Variants in ZNF704 observed in about 807,000 individuals in gnomAD.
ZNF704 encodes glucocorticoid induced gene 1.
In ZNF704, 10 loss-of-function variants were observed where a neutral mutation model predicts 44.7. The ratio of observed to expected loss-of-function variants is 0.22; its 90% CI spans 0.14 to 0.38. The LOEUF (loss-of-function observed/expected upper bound fraction) is 0.38. ZNF704 is among the 10% of genes least tolerant of loss of function. The pLI is 1.00. For missense variants in ZNF704, 390 were observed against 545.5 expected (o/e 0.71, Z 2.84); for synonymous variants, 211 against 207.6 (o/e 1.02, Z -0.14).
chr8:80,840,896 C>A (rs1296512448), intron 1 of ZNF704, among the ~76,000 whole-genome samples: 1 of 152,214 alleles, frequency 6.6e-6, no homozygotes, highest in African/African-American at 2.4e-5. Flanking sequence ...AGTAGCTGTA[C>A]CATTCCCAAT....
chr8:80,877,679 T>C (rs1809375281), upstream of ZNF704, among the ~76,000 whole-genome samples: 1 of 152,184 alleles, frequency 6.6e-6, no homozygotes, highest in Non-Finnish European at 1.5e-5. Flanking sequence ...ATCTAAAACA[T>C]TTCATCGTTC....
intron 2 of ZNF704, among the ~76,000 whole-genome samples, chr8:80,747,463 T>C (rs1806866762): frequency 1.3e-5 from 2 of 152,302 alleles, no homozygotes; most frequent in South Asian, 4.1e-4. Flanking sequence ...CACAAACCTC[T>C]GAAAAATGGA....
intron 2 of ZNF704, among the ~76,000 whole-genome samples, chr8:80,728,699 T>C (rs1434996010): frequency 6.6e-6 from 1 of 152,170 alleles, no homozygotes; most frequent in Non-Finnish European, 1.5e-5. Flanking sequence ...CCAGGTCTGT[T>C]TATTTCTGAA....
chr8:80,792,388 C>G lies in ZNF704; in HGVS notation c.221+28986G>C, dbSNP rs112944229. Reference sequence around the variant, plus strand: ...GAAATATGTAAGAATATACACAAGGCTTGGCTACAGGATGGTTAATGTGGG... The same window carrying G: ...GAAATATGTAAGAATATACACAAGGGTTGGCTACAGGATGGTTAATGTGGG... On this transcript the variant is annotated intron_variant, in intron 2 of 8. Transcript: ENST00000327835. 2.2e-3 allele frequency among the ~76,000 whole-genome samples: 336 copies of G among 152,254 alleles called. 1 individual carries two copies. Among genetic ancestry groups the G allele is most frequent in the African/African-American group, 7.0e-3 (289 of 41,556 alleles).
At chr8:80,861,133 C>T (rs1809054662) in intron 1 of ZNF704, among the ~76,000 whole-genome samples, 1 of 152,186 alleles carries the variant, frequency 6.6e-6, no homozygotes, top group Admixed American at 6.5e-5. Context: ...CTGTTCACTG[C>T]TAGAAACCAA....
chr8:80,753,047 T>C (rs1430048433), intron 2 of ZNF704, among the ~76,000 whole-genome samples: 1 of 152,244 alleles, frequency 6.6e-6, no homozygotes, highest in Non-Finnish European at 1.5e-5. Flanking sequence ...GATGTTTTTT[T>C]ATACCTTTTA....
rs1287981352 is a variant in ZNF704 at position 80,750,217 on chromosome 8, CTTGTGT to C, written c.222-57116_222-57111del. Among the ~76,000 whole-genome samples, 7 of 152,046 alleles carry C rather than the reference CTTGTGT, an allele frequency of 4.6e-5. No individual in the cohort carries two copies. In the South Asian group the frequency reaches 1.0e-3, roughly 23 times the overall value. On this transcript the variant is annotated intron_variant, in intron 2 of 8. Transcript: ENST00000327835. ...TGGCACCACAGGCAATGACTGCCAA[CTTGTGT>C]GCAATTGGGGGCCAGCTATGATTTC...
intron 2 of ZNF704, among the ~76,000 whole-genome samples, chr8:80,817,759 A>T (rs1455470730): frequency 6.6e-6 from 1 of 152,196 alleles, no homozygotes; most frequent in Non-Finnish European, 1.5e-5. Context: ...ATCTTGAAAA[A>T]GATATCAATA....
In ZNF704 at chr8:80,636,118, G is replaced by A. The variant is rs1406875944; in HGVS notation, c.*5248C>T. ...TAGAGTACTGACGCTTATTACCAAA[G>A]TGTCATGTCTCTTAGAACTGTAGAA... On this transcript the variant is annotated 3_prime_UTR_variant, in exon 9 of 9. Transcript: ENST00000327835. 6.6e-6 allele frequency: 1 copy of A among 152,144 alleles called. No homozygotes were observed. Among genetic ancestry groups the A allele is most frequent in the African/African-American group, 2.4e-5 (1 of 41,444 alleles). 9.4% of individuals were successfully genotyped at this position (152,144 alleles called of 1,614,324 possible).
chr8:80,821,138 A>G (rs962605771), intron 2 of ZNF704, among the ~76,000 whole-genome samples: 2 of 152,220 alleles, frequency 1.3e-5, no homozygotes, highest in Admixed American at 6.5e-5. Context: ...ATTTATTAAA[A>G]TTGAATAAAA....
intron 2 of ZNF704, among the ~76,000 whole-genome samples, chr8:80,778,833 T>A (rs1807461753): frequency 6.6e-6 from 1 of 151,968 alleles, no homozygotes; most frequent in South Asian, 2.1e-4. Context: ...AAGAAGGGAA[T>A]GACAGACACT....
At chr8:80,822,380 CT>C (rs1353947192) in intron 1 of ZNF704, among the ~76,000 whole-genome samples, 1 of 151,274 alleles carries the variant, frequency 6.6e-6, no homozygotes, top group African/African-American at 2.4e-5. Flanking sequence ...TGAACTCATC[CT>C]TTTTTATGGC....
intron 2 of ZNF704, among the ~76,000 whole-genome samples, chr8:80,697,207 T>C (rs73273004): frequency 0.16 from 24,901 of 152,058 alleles, 4,041 homozygotes; most frequent in African/African-American, 0.42. Flanking sequence ...TGAGCCAGAC[T>C]ATGGGGGTGT....
intron 1 of ZNF704, among the ~76,000 whole-genome samples, chr8:80,864,746 G>C (rs1465078413): frequency 6.6e-6 from 1 of 152,112 alleles, no homozygotes; most frequent in Non-Finnish European, 1.5e-5. Flanking sequence ...CAGGAGGGTG[G>C]GAAGGGCAAA....
chr8:80,819,257 C>T (rs115174439), intron 2 of ZNF704, among the ~76,000 whole-genome samples: 1,597 of 152,190 alleles, frequency 0.01, 30 homozygotes, highest in African/African-American at 0.036. Flanking sequence ...CTTTTAAGTA[C>T]ATTCAGTGAA....
chr8:80,869,802 G>A (rs937064126), intron 1 of ZNF704, among the ~76,000 whole-genome samples: 1 of 152,220 alleles, frequency 6.6e-6, no homozygotes, highest in Non-Finnish European at 1.5e-5. Flanking sequence ...ATTATGCAAG[G>A]CTCCATCTTG....
At chr8:80,866,957 A>C (rs989299067) in intron 1 of ZNF704, among the ~76,000 whole-genome samples, 4 of 151,922 alleles carry the variant, frequency 2.6e-5, no homozygotes, top group African/African-American at 7.3e-5. Context: ...GTAGGGCTTG[A>C]CTTCTTGCTT....
chr8:80,695,367 G>A (rs1265248126), intron 2 of ZNF704, among the ~76,000 whole-genome samples: 1 of 152,224 alleles, frequency 6.6e-6, no homozygotes, highest in African/African-American at 2.4e-5. Context: ...TAGGAGGGCT[G>A]TTGACTTCTC....
chr8:80,884,109 G>A, the ZNF704 span, among the ~76,000 whole-genome samples: 10 of 152,224 alleles, frequency 6.6e-5, no homozygotes, highest in South Asian at 4.1e-4. Context: ...TGAAAAAATT[G>A]AGAGTGAGAC....
Sources: gnomAD v4.1 joint callset for allele counts (sites outside exome capture counted in the v4.1 genomes callset) on GRCh38, gnomAD v4.1.1 for gene constraint, MANE v1.5 for transcripts, NCBI Gene and HGNC (gene_info 2026-07-23, HGNC 2026-07-21) for gene names.